The following CCDC171 variants were observed in gnomAD, a reference collection of about 807,000 sequenced individuals.
CCDC171 encodes coiled-coil domain containing 171.
In CCDC171, 177 loss-of-function variants were observed where a neutral mutation model predicts 168.2. The ratio of observed to expected loss-of-function variants is 1.05; its 90% CI spans 0.93 to 1.19. The LOEUF is 1.19. Among genes scored for constraint, CCDC171 ranks in the 50% most tolerant of loss-of-function variants. The pLI is 0.00. For missense variants in CCDC171, 1,991 were observed against 1,539.0 expected, an observed-to-expected ratio of 1.29 and a Z score of -4.91; for synonymous variants, 687 against 540.8, an observed-to-expected ratio of 1.27 and a Z score of -3.75.
chr9:15,819,126 T>A (rs1442648215), intron 21 of CCDC171, among the ~76,000 whole-genome samples: 1 of 117,004 alleles, frequency 8.5e-6, no homozygotes, highest in African/African-American at 3.2e-5. Flanking sequence ...TAAAATCCTT[T>A]ACAGACAAGC....
chr9:15,559,764 C>G (rs1461051406), intron 1 of CCDC171, among the ~76,000 whole-genome samples: 7 of 152,034 alleles, frequency 4.6e-5, no homozygotes, highest in African/African-American at 1.4e-4. Context: ...TGAATTTGAT[C>G]CTGTCATTAT....
chr9:15,671,786 C>G (rs1266897494), intron 9 of CCDC171, among the ~76,000 whole-genome samples: 1 of 151,474 alleles, frequency 6.6e-6, no homozygotes, highest in East Asian at 1.9e-4. Flanking sequence ...GGTTCCAAGT[C>G]TTTGTGAATA....
At chr9:15,668,559 AAAT>A (rs2048891081) in intron 9 of CCDC171, among the ~76,000 whole-genome samples, 1 of 152,164 alleles carries the variant, frequency 6.6e-6, no homozygotes, top group South Asian at 2.1e-4. Flanking sequence ...AATACAAGTT[AAAT>A]AATAATAAAT....
intron 23 of CCDC171, among the ~76,000 whole-genome samples, chr9:15,862,324 T>C (rs995545423): frequency 2.0e-5 from 3 of 151,784 alleles, no homozygotes; most frequent in Admixed American, 6.6e-5. Context: ...TTTTTTTTTT[T>C]CTGCTGGTTT....
chr9:16,096,218 T>C, the CCDC171 span, among the ~76,000 whole-genome samples: 4 of 152,140 alleles, frequency 2.6e-5, no homozygotes, highest in African/African-American at 9.7e-5. Context: ...GAAGATCTCT[T>C]GTGTATGCTT....
chr9:16,011,132 C>T (rs2132985686), intron 3 of CCDC171, among the ~76,000 whole-genome samples: 1 of 152,264 alleles, frequency 6.6e-6, no homozygotes, highest in East Asian at 1.9e-4. Context: ...CCCCTTTTCC[C>T]TTCCTTCTGA....
intron 21 of CCDC171, among the ~76,000 whole-genome samples, chr9:15,822,310 A>G (rs900516064): frequency 1.3e-5 from 2 of 151,918 alleles, no homozygotes; most frequent in African/African-American, 4.8e-5. Context: ...AGGCAATGGC[A>G]AGAAAAGCCA....
chr9:15,633,486 A>T (rs2045928238), intron 7 of CCDC171, among the ~76,000 whole-genome samples: 1 of 152,182 alleles, frequency 6.6e-6, no homozygotes, highest in Non-Finnish European at 1.5e-5. Context: ...ACCATCTCAC[A>T]CCAGTTAGAA....
At position 15,920,250 on chromosome 9, in the gene CCDC171, C is replaced by T. The variant is rs1589130840; in HGVS notation, c.3601-20C>T. On this transcript the variant is annotated intron_variant, in intron 24 of 25. Transcript: ENST00000380701. ...ACATATTTATTTGAATTATATGTGA[C>T]ATTATTTTTATTTCTTAAGGCTATG... 2 of 1,508,718 alleles carry T rather than the reference C, an allele frequency of 1.3e-6. No individual in the cohort carries two copies. The highest frequency in any genetic ancestry group is 2.3e-5 in the East Asian group (1 of 43,560). 93.5% of individuals were successfully genotyped at this position (1,508,718 alleles called of 1,614,324 possible).
chr9:15,995,292 G>A (rs1427457538), intron 3 of CCDC171, among the ~76,000 whole-genome samples: 1 of 152,190 alleles, frequency 6.6e-6, no homozygotes, highest in Non-Finnish European at 1.5e-5. Flanking sequence ...AATAACAAAG[G>A]CTTGTAATCT....
chr9:15,578,802 A>G (rs772711609), intron 3 of CCDC171, 47 bp from the exon 4 acceptor site: 57 of 1,478,914 alleles, frequency 3.9e-5, no homozygotes, highest in Non-Finnish European at 5.2e-5. Flanking sequence ...TGAGTGTATG[A>G]TCTCATAATC....
At chr9:15,859,637 T>TTTTTGTTTTG (rs572230037) in intron 23 of CCDC171, among the ~76,000 whole-genome samples, 8 of 127,408 alleles carry the variant, frequency 6.3e-5, no homozygotes, top group African/African-American at 2.4e-4. Context: ...CCCCCGAATC[T>TTTTTGTTTTG]TTTTGTTTTG....
intron 3 of CCDC171, among the ~76,000 whole-genome samples, chr9:15,987,147 A>C (rs903384368): frequency 1.3e-5 from 2 of 152,222 alleles, no homozygotes; most frequent in African/African-American, 4.8e-5. Flanking sequence ...TTTACTATAC[A>C]CAAATTTCAA....
At chr9:15,905,569 A>G (rs567155447) in intron 24 of CCDC171, among the ~76,000 whole-genome samples, 1 of 152,338 alleles carries the variant, frequency 6.6e-6, no homozygotes, top group African/African-American at 2.4e-5. Flanking sequence ...AAGAGAAAGC[A>G]GGAAAGATCT....
intron 18 of CCDC171, among the ~76,000 whole-genome samples, chr9:15,762,669 T>C (rs533125456): frequency 1.3e-5 from 2 of 152,298 alleles, no homozygotes; most frequent in Non-Finnish European, 2.9e-5. Context: ...TGTGATACAA[T>C]TTACATGCAA....
intron 9 of CCDC171, among the ~76,000 whole-genome samples, chr9:15,666,939 G>A (rs753710301): frequency 1.3e-5 from 2 of 152,254 alleles, no homozygotes; most frequent in African/African-American, 4.8e-5. Flanking sequence ...TTCATACCTA[G>A]CATTGCAGTT....
At chr9:16,011,546 A>G (rs1832869802) in intron 3 of CCDC171, among the ~76,000 whole-genome samples, 3 of 152,184 alleles carry the variant, frequency 2.0e-5, no homozygotes, top group African/African-American at 7.2e-5. Flanking sequence ...GAGCCCAATT[A>G]TGCAGCTTCT....
intron 25 of CCDC171, among the ~76,000 whole-genome samples, chr9:15,935,263 T>G (rs771988351): frequency 6.6e-6 from 1 of 152,006 alleles, no homozygotes; most frequent in Non-Finnish European, 1.5e-5. Context: ...TATGTTGTAG[T>G]GGAAAGAGCA....
chr9:15,569,355 C>T (rs2040014412), intron 2 of CCDC171, among the ~76,000 whole-genome samples: 1 of 152,110 alleles, frequency 6.6e-6, no homozygotes, highest in South Asian at 2.1e-4. Context: ...ATAAAAGTAC[C>T]AATCTCATGA....
Sources: allele counts gnomAD v4.1 joint callset (sites outside exome capture counted in the v4.1 genomes callset), GRCh38; gene constraint gnomAD v4.1.1; transcripts MANE v1.5; gene names NCBI Gene and HGNC (gene_info 2026-07-23, HGNC 2026-07-21).